CHST11: variants seen among roughly 807,000 people sequenced by gnomAD.
CHST11 encodes carbohydrate sulfotransferase 11.
A neutral mutation model predicts 30.4 loss-of-function variants in CHST11; 9 were observed. That is an observed-to-expected ratio of 0.30 (90% CI 0.18 to 0.52). The LOEUF (loss-of-function observed/expected upper bound fraction) is 0.52. CHST11 is among the 20% of genes least tolerant of loss of function. CHST11 has a pLI of 0.97. For synonymous variants in CHST11, 152 were observed against 187.8 expected, an observed-to-expected ratio of 0.81 and a Z score of 1.56; for missense variants, 348 against 460.6, an observed-to-expected ratio of 0.76 and a Z score of 2.24.
chr12:104,691,458 CG>C lies in CHST11; in HGVS notation c.205-65484del, dbSNP rs561622849. On this transcript the variant is annotated intron_variant, in intron 2 of 2. Coordinates refer to ENST00000303694, the MANE Select transcript of CHST11 (RefSeq NM_018413.6). ...TGTCTATTTTAAAGAATACTGGGGG[CG>C]GGGGGGAAACCAGGCACATTAGAGG... Among the ~76,000 whole-genome samples, 1,161 of 143,054 alleles carry C rather than the reference CG, an allele frequency of 8.1e-3. 6 individuals carry two copies. Among genetic ancestry groups the C allele is most frequent in the Non-Finnish European group, 0.014 (914 of 65,522 alleles). 93.8% of individuals were successfully genotyped at this position (143,054 alleles called of 152,430 possible). A position where few individuals can be genotyped will look rare whatever the true frequency, so the allele number is the denominator to read the frequency against.
chr12:104,752,301 A>C (rs2040438406), intron 2 of CHST11, among the ~76,000 whole-genome samples: 1 of 152,052 alleles, frequency 6.6e-6, no homozygotes, highest in Non-Finnish European at 1.5e-5. Flanking sequence ...TCTTCTTATA[A>C]GGACACCACC....
chr12:104,643,141 TAGTG>T (rs2039393515), intron 2 of CHST11, among the ~76,000 whole-genome samples: 1 of 151,830 alleles, frequency 6.6e-6, no homozygotes, highest in Non-Finnish European at 1.5e-5. Context: ...CTGGGCAACA[TAGTG>T]AGACCCCTGT....
chr12:104,498,797 G>A (rs1046289624), intron 1 of CHST11, among the ~76,000 whole-genome samples: 1 of 152,156 alleles, frequency 6.6e-6, no homozygotes, highest in South Asian at 2.1e-4. Context: ...GATTTTAATC[G>A]TCTTTTGCAG....
intron 1 of CHST11, among the ~76,000 whole-genome samples, chr12:104,596,802 G>T (rs140726980): frequency 5.1e-4 from 78 of 152,266 alleles, no homozygotes; most frequent in African/African-American, 1.0e-3. Flanking sequence ...TGTGAGATAT[G>T]ACTTCCGTCC....
chr12:104,726,757 TC>T lies in CHST11; in HGVS notation c.205-30188del, dbSNP rs1175056168. Among the ~76,000 whole-genome samples the T allele has an allele frequency of 2.0e-5, 3 of 152,114 alleles. No individual in the cohort carries two copies. In the East Asian group the frequency reaches 5.8e-4, roughly 29 times the overall value. On this transcript the variant is annotated intron_variant, in intron 2 of 2. Coordinates refer to ENST00000303694, the MANE Select transcript of CHST11 (RefSeq NM_018413.6). Reference sequence around the variant, plus strand: ...ATTAGAGTGTAATTCCTCAAAAATATCCCCGACATACACATTTTAACTGGGC... The same window carrying T: ...ATTAGAGTGTAATTCCTCAAAAATATCCCGACATACACATTTTAACTGGGC...
Position 104,756,840 on chromosome 12 carries a change from C to T in CHST11, c.205-109C>T, listed in dbSNP as rs540507423. 141 of 1,339,290 alleles carry T rather than the reference C, an allele frequency of 1.1e-4. 2 individuals carry two copies. The South Asian group carries it at 1.8e-3, about 17-fold the overall frequency. 83.0% of individuals were successfully genotyped at this position (1,339,290 alleles called of 1,614,324 possible). ...GGGATTAAAGGCATGAGCCACTGCA[C>T]CCAGCTTAGATATGTGTTTGAACGG... On this transcript the variant is annotated intron_variant, in intron 2 of 2. Transcript: ENST00000303694.
chr12:104,683,367 C>T (rs924548933), intron 2 of CHST11, among the ~76,000 whole-genome samples: 4 of 152,138 alleles, frequency 2.6e-5, no homozygotes, highest in Admixed American at 6.5e-5. Context: ...AGAAATGAGG[C>T]CGGGCTTATA....
chr12:104,536,362 A>T (rs1349481369), intron 1 of CHST11, among the ~76,000 whole-genome samples: 1 of 152,218 alleles, frequency 6.6e-6, no homozygotes, highest in Non-Finnish European at 1.5e-5. Flanking sequence ...GATGCCCATC[A>T]TTGCTTGGTA....
chr12:104,501,546 T>G (rs771702970), intron 1 of CHST11, among the ~76,000 whole-genome samples: 43 of 152,220 alleles, frequency 2.8e-4, no homozygotes, highest in Non-Finnish European at 2.9e-5. Flanking sequence ...GGCAAATCGC[T>G]TAGCTCACAG....
At chr12:104,550,084 G>A (rs945496399) in intron 1 of CHST11, among the ~76,000 whole-genome samples, 7 of 152,164 alleles carry the variant, frequency 4.6e-5, no homozygotes, top group African/African-American at 1.7e-4. Context: ...TTGGGCTGTT[G>A]GTAAAACTAG....
chr12:104,532,304 T>G (rs1167868881), intron 1 of CHST11, among the ~76,000 whole-genome samples: 1 of 152,162 alleles, frequency 6.6e-6, no homozygotes. Context: ...TTCACAGCCC[T>G]TTTGTGATGA....
At chr12:104,526,745 C>T (rs1178054819) in intron 1 of CHST11, among the ~76,000 whole-genome samples, 3 of 152,146 alleles carry the variant, frequency 2.0e-5, no homozygotes, top group Admixed American at 6.5e-5. Context: ...GTTCCGAGAA[C>T]CCTGGCAGGT....
At chr12:104,479,568 G>A (rs1232996652) in intron 1 of CHST11, among the ~76,000 whole-genome samples, 1 of 152,162 alleles carries the variant, frequency 6.6e-6, no homozygotes, top group Non-Finnish European at 1.5e-5. Flanking sequence ...AACTGGAGAT[G>A]CTCTTATCCA....
At chr12:104,628,845 A>G (rs1284122612) in intron 2 of CHST11, among the ~76,000 whole-genome samples, 1 of 151,958 alleles carries the variant, frequency 6.6e-6, no homozygotes, top group African/African-American at 2.4e-5. Context: ...CCCTTTGCTT[A>G]TTGTAATTAT....
At chr12:104,731,009 C>G (rs1490264000) in intron 2 of CHST11, among the ~76,000 whole-genome samples, 2 of 152,224 alleles carry the variant, frequency 1.3e-5, no homozygotes, top group Non-Finnish European at 2.9e-5. Flanking sequence ...CTGCAGCTGT[C>G]CTGCATCCTG....
At chr12:104,712,299 G>A (rs1027397916) in intron 2 of CHST11, among the ~76,000 whole-genome samples, 1 of 152,068 alleles carries the variant, frequency 6.6e-6, no homozygotes, top group African/African-American at 2.4e-5. Context: ...TTTGGAGTGT[G>A]CCTTCAGCAT....
chr12:104,513,127 G>GGC lies in CHST11; in HGVS notation c.118+55599_118+55600insCG, dbSNP rs1555229106. Among the ~76,000 whole-genome samples the GGC allele has an allele frequency of 1.1e-4, 12 of 107,774 alleles. 1 individual carries two copies. Among genetic ancestry groups the GGC allele is most frequent in the African/African-American group, 3.6e-4 (9 of 24,930 alleles). The allele number at this position is 107,774 out of a possible 152,430, so 70.7% of individuals were successfully genotyped here. The stretch of plus-strand genomic sequence containing the variant: ...AGTGCTTCCAAATGTCATGACTGGG[G>GGC]GGGGGGGGGGTTGGGGGTGGGGAGG... On this transcript the variant is annotated intron_variant, in intron 1 of 2. Transcript: ENST00000303694.
rs145612739 is a variant in CHST11 at position 104,469,867 on chromosome 12, T to C, written c.118+12338T>C. Among the ~76,000 whole-genome samples, 294 of 152,344 alleles carry C rather than the reference T, an allele frequency of 1.9e-3. 1 individual carries two copies. The highest frequency in any genetic ancestry group is 6.4e-3 in the African/African-American group (268 of 41,574). Reference sequence around the variant, plus strand: ...TCCCTGTTAGGCTGCAGAGTTATCATAGAGGAAGGGGAGCATATTTGTCAG... The same window carrying C: ...TCCCTGTTAGGCTGCAGAGTTATCACAGAGGAAGGGGAGCATATTTGTCAG... On this transcript the variant is annotated intron_variant, in intron 1 of 2. Transcript: ENST00000303694.
chr12:104,591,742 A>G (rs2038860633), intron 1 of CHST11: 1 of 153,606 alleles, frequency 6.5e-6, no homozygotes, highest in African/African-American at 2.4e-5. Flanking sequence ...GACGTTTTCA[A>G]AGCATGCACC....
Sources: gnomAD v4.1 joint callset for allele counts (sites outside exome capture counted in the v4.1 genomes callset) on GRCh38, gnomAD v4.1.1 for gene constraint, MANE v1.5 for transcripts, NCBI Gene and HGNC (gene_info 2026-07-23, HGNC 2026-07-21) for gene names.